Variants in AFF3 observed in about 807,000 individuals in gnomAD.
The protein encoded by AFF3 is ALF transcription elongation factor 3.
AFF3 carries 32 observed loss-of-function variants against 129.7 expected under a neutral mutation model. That is an observed-to-expected ratio of 0.25 (90% CI 0.19 to 0.33). AFF3 has a LOEUF of 0.33. AFF3 is among the 10% of genes least tolerant of loss of function. AFF3 has a pLI of 1.00. For synonymous variants in AFF3, 644 were observed against 635.4 expected (o/e 1.01, Z -0.20); for missense variants, 1,373 against 1,592.0 (o/e 0.86, Z 2.34).
chr2:99,947,601 A>T (rs199818318), intron 7 of AFF3, among the ~76,000 whole-genome samples: 389 of 136,566 alleles, frequency 2.8e-3, no homozygotes, highest in African/African-American at 8.2e-3. Flanking sequence ...GAAAGAAAGA[A>T]AGATAGATAG....
At chr2:99,584,930 A>T (rs1677946156) in intron 16 of AFF3, among the ~76,000 whole-genome samples, 1 of 152,246 alleles carries the variant, frequency 6.6e-6, no homozygotes, top group Non-Finnish European at 1.5e-5. Flanking sequence ...ACAGACCTCT[A>T]GAACAAATGA....
At chr2:100,005,305 T>C (rs1417111468) in intron 7 of AFF3, among the ~76,000 whole-genome samples, 1 of 152,222 alleles carries the variant, frequency 6.6e-6, no homozygotes, top group African/African-American at 2.4e-5. Context: ...AACATGTAAA[T>C]TATTACCTAA....
chr2:99,910,546 C>T (rs1371072289), intron 7 of AFF3, among the ~76,000 whole-genome samples: 2 of 152,214 alleles, frequency 1.3e-5, no homozygotes, highest in African/African-American at 2.4e-5. Context: ...CATAAACAAT[C>T]TTGCCTTCTG....
chr2:99,560,322 T>A (rs200773383), intron 21 of AFF3, 43 bp downstream of exon 21: 2 of 1,600,312 alleles, frequency 1.2e-6, no homozygotes, highest in African/African-American at 1.3e-5. Flanking sequence ...AATGATGGCA[T>A]GCGAGGCTGG....
At position 99,896,620 on chromosome 2, in the gene AFF3, C is replaced by CTTTTTTTTTTTTT. The variant is rs35573862; in HGVS notation, c.874-59109_874-59097dup. Among the ~76,000 whole-genome samples the CTTTTTTTTTTTTT allele has an allele frequency of 1.4e-3, 49 of 36,096 alleles. 16 individuals are homozygous for CTTTTTTTTTTTTT. The highest frequency in any genetic ancestry group is 2.0e-3 in the Admixed American group (4 of 1,968). 23.7% of individuals were successfully genotyped at this position (36,096 alleles called of 152,430 possible). A position where few individuals can be genotyped will look rare whatever the true frequency, so the allele number is the denominator to read the frequency against. On this transcript the variant is annotated intron_variant, in intron 7 of 24. Coordinates refer to ENST00000672756, the MANE Select transcript of AFF3 (RefSeq NM_001386135.1). ...GATCATTTACTTCCCTGTCAAAATGCTTTTTTTTTTTTTTTTTTTTTTTTT... is the reference window on the plus strand; with the variant it reads ...GATCATTTACTTCCCTGTCAAAATGCTTTTTTTTTTTTTTTTTTTTTTTTTTTTTTTTTTTTTT...
intron 7 of AFF3, among the ~76,000 whole-genome samples, chr2:99,947,579 A>AAAAG (rs1163104965): frequency 0.036 from 4,809 of 133,878 alleles, 162 homozygotes; most frequent in Admixed American, 0.086. Flanking sequence ...GAAAGAAAAG[A>AAAAG]AAAGAAAGAA....
chr2:99,773,391 A>G (rs1309072505), intron 8 of AFF3, among the ~76,000 whole-genome samples: 1 of 152,198 alleles, frequency 6.6e-6, no homozygotes, highest in African/African-American at 2.4e-5. Context: ...CTGTAATATA[A>G]ACTCATATAA....
At chr2:99,610,946 C>G (rs1333576754) in intron 13 of AFF3, among the ~76,000 whole-genome samples, 3 of 152,170 alleles carry the variant, frequency 2.0e-5, no homozygotes, top group Non-Finnish European at 4.4e-5. Context: ...TCTTTTCTTA[C>G]AGTCCTGCAG....
chr2:99,560,412 G>A lies in AFF3; in HGVS notation c.3144C>T (p.His1048=), dbSNP rs1468297466. The change falls in exon 21 of 25, where the codon CAC becomes CAT. Residue 1048 remains histidine (H), a synonymous_variant. Coordinates refer to ENST00000672756, the MANE Select transcript of AFF3 (RefSeq NM_001386135.1). Reference sequence around the variant, plus strand: ...CTTCTGGTGTGGCATTGGGGCCTGAGTGGGTTTTTAGTCTCATAGCATACC... The same window carrying A: ...CTTCTGGTGTGGCATTGGGGCCTGAATGGGTTTTTAGTCTCATAGCATACC... ...LIRYAMRLKT[H]SGPNATPEDK... 6 of 1,614,082 alleles carry A rather than the reference G, an allele frequency of 3.7e-6. No individual in the cohort carries two copies. Among genetic ancestry groups the A allele is most frequent in the East Asian group, 2.2e-5 (1 of 44,896 alleles).
At chr2:99,604,638 G>T (rs1048420628) in intron 13 of AFF3, among the ~76,000 whole-genome samples, 3 of 152,030 alleles carry the variant, frequency 2.0e-5, no homozygotes, top group Admixed American at 2.0e-4. Flanking sequence ...TAAAAAAATC[G>T]TTTTTTGGTA....
rs569384535 is a variant in AFF3 at position 99,811,507 on chromosome 2, T to C, written c.921+25970A>G. Reference sequence around the variant, plus strand: ...CTGGTGCTCTTTATCCTCCCCGTACTGCAAACACCTTTACAGTATGTGTCA... The same window carrying C: ...CTGGTGCTCTTTATCCTCCCCGTACCGCAAACACCTTTACAGTATGTGTCA... On this transcript the variant is annotated intron_variant, in intron 8 of 24. Transcript: ENST00000672756. 3.3e-5 allele frequency among the ~76,000 whole-genome samples: 5 copies of C among 152,264 alleles called. No individual in the cohort carries two copies. The South Asian group carries it at 1.0e-3, about 32-fold the overall frequency.
At chr2:99,576,191 C>T (rs1676971682) in intron 18 of AFF3, among the ~76,000 whole-genome samples, 1 of 151,920 alleles carries the variant, frequency 6.6e-6, no homozygotes, top group South Asian at 2.1e-4. Flanking sequence ...TGCCACCACA[C>T]CTGGCTAATT....
At chr2:99,988,896 T>C (rs1050213424) in intron 7 of AFF3, among the ~76,000 whole-genome samples, 6 of 152,164 alleles carry the variant, frequency 3.9e-5, no homozygotes, top group Admixed American at 3.9e-4. Context: ...TGTCTGGTAA[T>C]GATATGGAGG....
At chr2:99,790,284 T>C (rs1459958410) in intron 8 of AFF3, among the ~76,000 whole-genome samples, 1 of 152,226 alleles carries the variant, frequency 6.6e-6, no homozygotes, top group African/African-American at 2.4e-5. Context: ...ACGTGGTAAC[T>C]AGTGTCTGAC....
At chr2:100,013,846 A>G (rs4531950) in intron 4 of AFF3, among the ~76,000 whole-genome samples, 7,538 of 152,294 alleles carry the variant, frequency 0.049, 676 homozygotes, top group African/African-American at 0.17. Context: ...TGGAAGATAG[A>G]GAAGTGAATA....
chr2:99,965,567 C>T (rs745522423), intron 7 of AFF3, among the ~76,000 whole-genome samples: 31 of 152,178 alleles, frequency 2.0e-4, no homozygotes, highest in Non-Finnish European at 1.5e-4. Context: ...TTCCTCTAAG[C>T]CCGCCAAGAT....
chr2:99,573,462 G>A (rs1005345126), intron 18 of AFF3, among the ~76,000 whole-genome samples: 3 of 152,164 alleles, frequency 2.0e-5, no homozygotes, highest in African/African-American at 4.8e-5. Flanking sequence ...AAGAGAACAT[G>A]CCCACTGCAA....
At chr2:99,883,149 A>G (rs1323948830) in intron 7 of AFF3, among the ~76,000 whole-genome samples, 1 of 152,226 alleles carries the variant, frequency 6.6e-6, no homozygotes, top group Non-Finnish European at 1.5e-5. Flanking sequence ...AACCCAGGGA[A>G]GGGATGGTGC....
chr2:99,610,879 T>C (rs961753443), intron 13 of AFF3, among the ~76,000 whole-genome samples: 1 of 152,184 alleles, frequency 6.6e-6, no homozygotes, highest in African/African-American at 2.4e-5. Context: ...TTCTGGATAA[T>C]TTCCAGCCTC....
Sources: allele counts gnomAD v4.1 joint callset (sites outside exome capture counted in the v4.1 genomes callset), GRCh38; gene constraint gnomAD v4.1.1; transcripts MANE v1.5; gene names NCBI Gene and HGNC (gene_info 2026-07-23, HGNC 2026-07-21).